Variants in EBF1 observed in about 807,000 individuals in gnomAD.
The protein encoded by EBF1 is EBF transcription factor 1, also known as transcription factor COE1.
Under a neutral mutation model 68.4 loss-of-function variants are expected in EBF1, and 10 were observed. The ratio of observed to expected loss-of-function variants is 0.15; its 90% confidence interval spans 0.09 to 0.25. The LOEUF (loss-of-function observed/expected upper bound fraction) is 0.25. Among genes scored for constraint, EBF1 ranks in the 10% least tolerant of loss-of-function variants. The pLI, the probability that EBF1 is intolerant of heterozygous loss-of-function variation, is 1.00. For synonymous variants in EBF1, 298 were observed against 299.8 expected, an observed-to-expected ratio of 0.99 and a Z score of 0.06; for missense variants, 509 against 794.4, an observed-to-expected ratio of 0.64 and a Z score of 4.32.
chr5:159,027,540 A>C (rs1400967191), intron 6 of EBF1, among the ~76,000 whole-genome samples: 1 of 152,204 alleles, frequency 6.6e-6, no homozygotes, highest in Non-Finnish European at 1.5e-5. Flanking sequence ...AAAAGAATCT[A>C]AGAGGAGCTT....
chr5:159,010,337 A>G (rs1317131176), intron 6 of EBF1, among the ~76,000 whole-genome samples: 7 of 152,192 alleles, frequency 4.6e-5, no homozygotes, highest in Non-Finnish European at 8.8e-5. Context: ...ATGCAAAACC[A>G]ATTTCTGCTC....
intron 11 of EBF1, 79 bp from the exon 12 acceptor site, chr5:158,714,261 C>T: frequency 6.5e-7 from 1 of 1,539,346 alleles, no homozygotes; most frequent in Middle Eastern, 1.7e-4. Flanking sequence ...CATTCCAGTC[C>T]CTCTGGCCAT....
rs751833945 is a variant in EBF1 at position 158,698,962 on chromosome 5, C to T, written c.*149G>A. 6 of 622,494 alleles carry T rather than the reference C, an allele frequency of 9.6e-6. No homozygotes were observed. The highest frequency in any genetic ancestry group is 9.4e-5 in the East Asian group (3 of 32,050). 38.6% of individuals were successfully genotyped at this position (622,494 alleles called of 1,614,324 possible). On this transcript the variant is annotated 3_prime_UTR_variant, in exon 16 of 16. Transcript: ENST00000313708. Reference sequence around the variant, plus strand: ...CTTCCAATTTCAGTATTTGCAAGGTCGGTGATTTTGTTTGTTTAAAAATCT... The same window carrying T: ...CTTCCAATTTCAGTATTTGCAAGGTTGGTGATTTTGTTTGTTTAAAAATCT...
At chr5:158,755,653 G>A (rs562676231) in intron 10 of EBF1, among the ~76,000 whole-genome samples, 2 of 152,266 alleles carry the variant, frequency 1.3e-5, no homozygotes, top group South Asian at 4.1e-4. Flanking sequence ...GGCATTTTGA[G>A]ATATTTGATG....
chr5:158,939,630 A>G (rs1397345998), intron 6 of EBF1, among the ~76,000 whole-genome samples: 1 of 152,082 alleles, frequency 6.6e-6, no homozygotes, highest in African/African-American at 2.4e-5. Flanking sequence ...GCTCTGTGGT[A>G]TGATTTGGTG....
intron 6 of EBF1, among the ~76,000 whole-genome samples, chr5:158,881,520 T>C (rs2128089811): frequency 6.6e-6 from 1 of 152,310 alleles, no homozygotes; most frequent in South Asian, 2.1e-4. Flanking sequence ...GTCTTTTGTT[T>C]ACGATCTGCT....
intron 6 of EBF1, among the ~76,000 whole-genome samples, chr5:158,871,210 A>C (rs1465982728): frequency 6.6e-6 from 1 of 152,248 alleles, no homozygotes; most frequent in Non-Finnish European, 1.5e-5. Context: ...TAAGACCAGC[A>C]TAAGCTTGGA....
At chr5:158,728,362 G>T (rs1382313781) in intron 11 of EBF1, among the ~76,000 whole-genome samples, 1 of 152,184 alleles carries the variant, frequency 6.6e-6, no homozygotes, top group Non-Finnish European at 1.5e-5. Flanking sequence ...GGAAAAAAGG[G>T]TTGGGAATTT....
chr5:158,863,645 A>C (rs1402673419), intron 6 of EBF1, among the ~76,000 whole-genome samples: 1 of 152,240 alleles, frequency 6.6e-6, no homozygotes, highest in African/African-American at 2.4e-5. Context: ...TTATTATAAA[A>C]AAAAATATGC....
intron 6 of EBF1, among the ~76,000 whole-genome samples, chr5:159,062,797 G>A (rs1776103949): frequency 2.0e-5 from 3 of 152,170 alleles, no homozygotes; most frequent in Admixed American, 2.0e-4. Flanking sequence ...AATACACATA[G>A]TTAATAGAAT....
At chr5:158,913,555 T>C (rs1806473718) in intron 6 of EBF1, among the ~76,000 whole-genome samples, 14 of 152,104 alleles carry the variant, frequency 9.2e-5, no homozygotes, top group Admixed American at 9.2e-4. Flanking sequence ...ATGCTCCCAC[T>C]GAGATTTGGG....
chr5:158,829,118 A>T (rs900822327), intron 7 of EBF1, among the ~76,000 whole-genome samples: 27 of 152,214 alleles, frequency 1.8e-4, no homozygotes, highest in African/African-American at 5.5e-4. Flanking sequence ...GTATATGTCC[A>T]TGCTTTTGTC....
chr5:158,866,604 C>T (rs1451116569), intron 6 of EBF1, among the ~76,000 whole-genome samples: 2 of 151,898 alleles, frequency 1.3e-5, no homozygotes, highest in Non-Finnish European at 1.5e-5. Context: ...ACCTAATCAT[C>T]CATACCGGGC....
chr5:158,888,647 A>G (rs1411332558), intron 6 of EBF1, among the ~76,000 whole-genome samples: 2 of 152,150 alleles, frequency 1.3e-5, no homozygotes, highest in African/African-American at 4.8e-5. Flanking sequence ...GTACTGATAC[A>G]TTTTGAATAG....
At chr5:158,718,949 A>T (rs1761335928) in intron 11 of EBF1, among the ~76,000 whole-genome samples, 1 of 152,186 alleles carries the variant, frequency 6.6e-6, no homozygotes, top group African/African-American at 2.4e-5. Flanking sequence ...TAATCTCCTT[A>T]TCTAAGCTCC....
At chr5:159,036,234 C>T (rs570847929) in intron 6 of EBF1, among the ~76,000 whole-genome samples, 1 of 152,204 alleles carries the variant, frequency 6.6e-6, no homozygotes, top group South Asian at 2.1e-4. Flanking sequence ...AGATCAGCTC[C>T]TCATTTACAG....
intron 6 of EBF1, among the ~76,000 whole-genome samples, chr5:158,878,005 T>A (rs1439401440): frequency 1.3e-5 from 2 of 151,738 alleles, no homozygotes. Flanking sequence ...CTAAACCAAC[T>A]GCAACTCTGT....
chr5:159,091,370 C>T (rs184845368), intron 4 of EBF1, among the ~76,000 whole-genome samples: 1 of 152,320 alleles, frequency 6.6e-6, no homozygotes, highest in East Asian at 1.9e-4. Flanking sequence ...AACACAGGTC[C>T]TGATCATGCA....
At chr5:158,772,192 A>G (rs1774008187) in intron 10 of EBF1, among the ~76,000 whole-genome samples, 1 of 152,194 alleles carries the variant, frequency 6.6e-6, no homozygotes, top group Non-Finnish European at 1.5e-5. Flanking sequence ...ATGTAAGAAA[A>G]GACTAAAGTG....
Sources: gnomAD v4.1 joint callset for allele counts (sites outside exome capture counted in the v4.1 genomes callset) on GRCh38, gnomAD v4.1.1 for gene constraint, MANE v1.5 for transcripts, NCBI Gene and HGNC (gene_info 2026-07-23, HGNC 2026-07-21) for gene names.